EPHA6: variants seen among roughly 807,000 people sequenced by gnomAD.
EPHA6 encodes EPH receptor A6, also known as ephrin type-A receptor 6.
Under a neutral mutation model 112.0 loss-of-function variants are expected in EPHA6, and 50 were observed. That is an observed-to-expected ratio of 0.45 (90% CI 0.36 to 0.56). EPHA6 has a LOEUF of 0.56. EPHA6 is among the 20% of genes least tolerant of loss of function. EPHA6 has a pLI of 0.00. For synonymous variants in EPHA6, 529 were observed against 490.7 expected (o/e 1.08, Z -1.03); for missense variants, 1,280 against 1,417.4 (o/e 0.90, Z 1.56).
At chr3:96,906,977 T>G (rs2318073) in intron 2 of EPHA6, among the ~76,000 whole-genome samples, 144,896 of 151,848 alleles carry the variant, frequency 0.95, 69,154 homozygotes, top group East Asian at 1. Context: ...TGAAGGAGAA[T>G]GGAATGGGGT....
intron 11 of EPHA6, among the ~76,000 whole-genome samples, chr3:97,545,934 C>A (rs1307064614): frequency 6.6e-6 from 1 of 152,112 alleles, no homozygotes; most frequent in Non-Finnish European, 1.5e-5. Flanking sequence ...CTTCCTCCAT[C>A]CCTTTATTTT....
chr3:97,665,853 C>T (rs769880146), intron 14 of EPHA6, among the ~76,000 whole-genome samples: 12 of 152,122 alleles, frequency 7.9e-5, no homozygotes, highest in African/African-American at 2.7e-4. Flanking sequence ...ATCAGGGGTT[C>T]GACACCAATC....
At chr3:97,045,752 T>C (rs1294011954) in intron 3 of EPHA6, among the ~76,000 whole-genome samples, 1 of 152,064 alleles carries the variant, frequency 6.6e-6, no homozygotes, top group Non-Finnish European at 1.5e-5. Context: ...AGTAGTGATT[T>C]TAAAATGATT....
chr3:97,535,844 AT>A lies in EPHA6; in HGVS notation c.2386+3310del, dbSNP rs368781059. 4.0e-3 allele frequency among the ~76,000 whole-genome samples: 608 copies of A among 151,494 alleles called. 2 individuals carry two copies. The highest frequency in any genetic ancestry group is 0.01 in the African/African-American group (417 of 41,350). On this transcript the variant is annotated intron_variant, in intron 11 of 17. Transcript: ENST00000389672. ...ATTCTTTTACAAATTCTTAATATGCATTTTTTTTTATCTCATATAGGATTTA... is the reference window on the plus strand; with the variant it reads ...ATTCTTTTACAAATTCTTAATATGCATTTTTTTTATCTCATATAGGATTTA...
intron 14 of EPHA6, chr3:97,646,027 T>G: frequency 1.0e-6 from 1 of 969,988 alleles, no homozygotes; most frequent in Non-Finnish European, 1.4e-6. Flanking sequence ...AAAAAATATC[T>G]TTAGAACAGT....
At chr3:97,541,326 C>T (rs933542022) in intron 11 of EPHA6, among the ~76,000 whole-genome samples, 2 of 152,112 alleles carry the variant, frequency 1.3e-5, no homozygotes, top group Non-Finnish European at 2.9e-5. Flanking sequence ...CTCATATAAC[C>T]TTCACTAACT....
chr3:97,192,817 G>T (rs988051391), intron 3 of EPHA6, among the ~76,000 whole-genome samples: 1 of 152,112 alleles, frequency 6.6e-6, no homozygotes, highest in East Asian at 1.9e-4. Flanking sequence ...AAGAGATAGG[G>T]ATGTAGTTTC....
In EPHA6 at chr3:97,716,478, G is replaced by A. The variant is rs1054458396; in HGVS notation, c.2785-3783G>A. 1.3e-3 allele frequency among the ~76,000 whole-genome samples: 174 copies of A among 133,172 alleles called. 5 individuals carry two copies. The highest frequency in any genetic ancestry group is 3.8e-3 in the Middle Eastern group (1 of 264). The allele number at this position is 133,172 out of a possible 152,430, so 87.4% of individuals were successfully genotyped here. ...AGCTACTCGGGAGGCTGAGGCAGGA[G>A]AATGGCGTGAACCCGGGAAGCGGAG... On this transcript the variant is annotated intron_variant, in intron 14 of 17. Coordinates refer to ENST00000389672, the MANE Select transcript of EPHA6 (RefSeq NM_001080448.3).
At chr3:97,453,459 A>T (rs1296766914) in intron 7 of EPHA6, among the ~76,000 whole-genome samples, 1 of 151,730 alleles carries the variant, frequency 6.6e-6, no homozygotes, top group Non-Finnish European at 1.5e-5. Context: ...AGGCTGCATA[A>T]ATCAGTTTTG....
intron 3 of EPHA6, among the ~76,000 whole-genome samples, chr3:97,176,333 G>T (rs1326691264): frequency 6.6e-6 from 1 of 151,692 alleles, no homozygotes; most frequent in Non-Finnish European, 1.5e-5. Context: ...ATCAATATTT[G>T]TCAGAGATAT....
chr3:97,572,814 C>T (rs977647310), intron 11 of EPHA6: 8 of 152,110 alleles, frequency 5.3e-5, no homozygotes, highest in Non-Finnish European at 1.0e-4. Context: ...TATTAATCCT[C>T]ATAAAAACTA....
chr3:97,633,922 A>G (rs1004134098), intron 13 of EPHA6, among the ~76,000 whole-genome samples: 1 of 152,124 alleles, frequency 6.6e-6, no homozygotes, highest in South Asian at 2.1e-4. Context: ...ACAGAGGTGA[A>G]TAGATCCTCA....
At chr3:97,111,158 T>C (rs2047711658) in intron 3 of EPHA6, among the ~76,000 whole-genome samples, 1 of 152,142 alleles carries the variant, frequency 6.6e-6, no homozygotes, top group Non-Finnish European at 1.5e-5. Flanking sequence ...TAAGATGTTT[T>C]CATCATGTAC....
At chr3:97,017,839 G>A (rs2044315643) in intron 3 of EPHA6, among the ~76,000 whole-genome samples, 1 of 151,896 alleles carries the variant, frequency 6.6e-6, no homozygotes, top group South Asian at 2.1e-4. Flanking sequence ...TTCTAGGTTG[G>A]GGATGTTCTT....
At chr3:97,574,608 G>A (rs2093365514) in intron 11 of EPHA6, among the ~76,000 whole-genome samples, 1 of 151,876 alleles carries the variant, frequency 6.6e-6, no homozygotes, top group South Asian at 2.1e-4. Flanking sequence ...AAGGGCAAAA[G>A]GTAGGGAAAA....
intron 2 of EPHA6, among the ~76,000 whole-genome samples, chr3:96,985,850 T>C (rs879579691): frequency 3.9e-5 from 6 of 152,148 alleles, no homozygotes; most frequent in Admixed American, 3.9e-4. Context: ...GAAACTATAC[T>C]ATACTAGTGA....
intron 11 of EPHA6, among the ~76,000 whole-genome samples, chr3:97,568,040 A>G (rs898387881): frequency 6.6e-6 from 1 of 152,234 alleles, no homozygotes; most frequent in African/African-American, 2.4e-5. Flanking sequence ...TTTGGGGTGT[A>G]TAATCTAGGT....
intron 5 of EPHA6, among the ~76,000 whole-genome samples, chr3:97,394,129 C>T (rs1367674481): frequency 6.6e-6 from 1 of 151,694 alleles, no homozygotes; most frequent in Admixed American, 6.6e-5. Context: ...TTGCAGCCAA[C>T]TGCTTTTCAA....
intron 10 of EPHA6, among the ~76,000 whole-genome samples, chr3:97,529,133 G>A (rs911072170): frequency 3.3e-5 from 5 of 152,012 alleles, no homozygotes; most frequent in African/African-American, 1.2e-4. Context: ...TGCCAACACA[G>A]GAAAATATTA....
Sources: allele counts gnomAD v4.1 joint callset (sites outside exome capture counted in the v4.1 genomes callset), GRCh38; gene constraint gnomAD v4.1.1; transcripts MANE v1.5; gene names NCBI Gene and HGNC (gene_info 2026-07-23, HGNC 2026-07-21).